VGF: variants seen among roughly 807,000 people sequenced by gnomAD.
VGF encodes neurosecretory protein VGF.
Under a neutral mutation model 41.1 loss-of-function variants are expected in VGF, and 13 were observed. The observed-to-expected ratio is 0.32, with a 90% CI of 0.21 to 0.50. The LOEUF is 0.50. VGF is among the 20% of genes least tolerant of loss of function. The pLI is 0.98. For missense variants in VGF, 920 were observed against 882.1 expected (o/e 1.04, Z -0.54); for synonymous variants, 473 against 418.3 (o/e 1.13, Z -1.60).
chr7:101,166,601 G>T (rs985724460), upstream of VGF, among the ~76,000 whole-genome samples: 2 of 150,976 alleles, frequency 1.3e-5, no homozygotes, highest in African/African-American at 4.9e-5. Context: ...CAACGTCAGA[G>T]ATAGCCCCTC....
rs367706197 is a variant in VGF, at chr7:101,164,007, C to A, written c.837G>T (p.Ala279=). ...CCAGGAGTGCGCTCTCCGGCCGGCG[C>A]GCCTTGGGGAACGGGGCGGCCACGC... ...YQGVAAPFPK[A]RRPESALLGG... The change falls in exon 2 of 2, where the codon GCG becomes GCT. Residue 279 remains alanine (A), a synonymous_variant. Transcript: ENST00000249330. 291 of 1,472,162 alleles carry A rather than the reference C, an allele frequency of 2.0e-4. No homozygotes were observed. The highest frequency in any genetic ancestry group is 2.5e-4 in the Non-Finnish European group (280 of 1,125,188). The allele number at this position is 1,472,162 out of a possible 1,614,324, so 91.2% of individuals were successfully genotyped here.
chr7:101,164,151 G>T lies in VGF; in HGVS notation c.693C>A (p.Phe231Leu). The change falls in exon 2 of 2, where the codon TTC becomes TTA. Residue 231 changes from phenylalanine to leucine, a missense_variant. Physicochemically the swap from Phe to Leu is conservative, Grantham distance 22. Coordinates refer to ENST00000249330, the MANE Select transcript of VGF (RefSeq NM_003378.4). ...GCCCGCTGTCGGGCATACGCGCCTGGAATTGAGAGGGGGCCGGGGGCGGCA... is the reference window on the plus strand; with the variant it reads ...GCCCGCTGTCGGGCATACGCGCCTGTAATTGAGAGGGGGCCGGGGGCGGCA... The part of the protein sequence containing the change: ...APLPPPAPSQ[F>L]QARMPDSGPL... 6.6e-7 allele frequency: 1 copy of T among 1,506,928 alleles called. No individual in the cohort carries two copies. Among genetic ancestry groups the T allele is most frequent in the Non-Finnish European group, 8.8e-7 (1 of 1,135,916 alleles). The allele number at this position is 1,506,928 out of a possible 1,614,324, so 93.3% of individuals were successfully genotyped here. A position where few individuals can be genotyped will look rare whatever the true frequency, so the allele number is the denominator to read the frequency against.
upstream of VGF, among the ~76,000 whole-genome samples, chr7:101,168,019 G>T (rs56278075): frequency 0.48 from 58,208 of 120,886 alleles, 13,659 homozygotes; most frequent in Admixed American, 0.55. Context: ...GTTTTTTTTT[G>T]TTTTTTTTTT....
chr7:101,165,629 G>GC (rs1584214177), upstream of VGF: 3 of 985,352 alleles, frequency 3.0e-6, no homozygotes, highest in East Asian at 1.1e-4. Flanking sequence ...ACGTGGGCGC[G>GC]CCCCGCCCCA....
At chr7:101,168,289 G>A (rs559038685), upstream of VGF, among the ~76,000 whole-genome samples, 1 of 152,178 alleles carries the variant, frequency 6.6e-6, no homozygotes, top group South Asian at 2.1e-4. Context: ...TGAATGCCTG[G>A]GGCACAAAAG....
In VGF at chr7:101,164,877, G is replaced by A. The variant is rs1214616080; in HGVS notation, c.-20-14C>T. 1 of 1,518,068 alleles carries A rather than the reference G, an allele frequency of 6.6e-7. No individual in the cohort carries two copies. The highest frequency in any genetic ancestry group is 2.2e-5 in the Admixed American group (1 of 44,504). 94.0% of individuals were successfully genotyped at this position (1,518,068 alleles called of 1,614,324 possible). ...GGCTGCCGGAGACTGAAAAATAGAA[G>A]GGACCAAAAAAAGAGGATTTCTGTA... On this transcript the variant is annotated splice_polypyrimidine_tract_variant and intron_variant, in intron 1 of 1. Coordinates refer to ENST00000249330, the MANE Select transcript of VGF (RefSeq NM_003378.4).
Position 101,162,839 on chromosome 7 carries a change from G to A in VGF, c.*157C>T, listed in dbSNP as rs970270933. 125 of 669,412 alleles carry A rather than the reference G, an allele frequency of 1.9e-4. No homozygotes were observed. The African/African-American group carries it at 2.0e-3, about 10-fold the overall frequency. 41.5% of individuals were successfully genotyped at this position (669,412 alleles called of 1,614,324 possible). On this transcript the variant is annotated 3_prime_UTR_variant, in exon 2 of 2. Transcript: ENST00000249330. The surrounding 1 kb of genome is among the most constrained non-coding windows in gnomAD (Gnocchi z 4.2). ...GAGTTCGGGCTCAGGACCCGGGAGG[G>A]GGGTCTGGCAGGTCCCGACGCAGCC...
Position 101,163,122 on chromosome 7 carries a change from G to C in VGF, c.1722C>G (p.Arg574=), listed in dbSNP as rs750273748. The C allele has an allele frequency of 6.9e-6, 11 of 1,584,540 alleles. No homozygotes were observed. Among genetic ancestry groups the C allele is most frequent in the East Asian group, 4.8e-5 (2 of 41,286 alleles). The part of the protein sequence containing the change: ...RHYHHALPPS[R]HYPGREAQAR... Reference sequence around the variant, plus strand: ...CCTGGGCCTCCCGGCCGGGATAGTGGCGCGAAGGCGGCAAGGCGTGGTGGT... The same window carrying C: ...CCTGGGCCTCCCGGCCGGGATAGTGCCGCGAAGGCGGCAAGGCGTGGTGGT... Residue 574 remains arginine, a synonymous_variant, in exon 2 of 2, where the codon CGC becomes CGG. Transcript: ENST00000249330. The surrounding 1 kb of genome is among the most constrained non-coding windows in gnomAD (Gnocchi z 5.0).
intron 1 of VGF, 75 bp downstream of exon 1, chr7:101,165,299 G>A (rs1797200034): frequency 2.0e-6 from 2 of 986,976 alleles, no homozygotes; most frequent in Non-Finnish European, 2.4e-6. Flanking sequence ...CACCCCCATC[G>A]AGAGGAGAGA....
Position 101,163,786 on chromosome 7 carries a change from T to C in VGF, c.1058A>G (p.Glu353Gly). 6.5e-7 allele frequency: 1 copy of C among 1,531,246 alleles called. No individual in the cohort carries two copies. The highest frequency in any genetic ancestry group is 8.7e-7 in the Non-Finnish European group (1 of 1,143,130). 94.9% of individuals were successfully genotyped at this position (1,531,246 alleles called of 1,614,324 possible). A position where few individuals can be genotyped will look rare whatever the true frequency, so the allele number is the denominator to read the frequency against. ...TGCACTCTCTCGCTCCTCCGCCGCC[T>C]CCTGCAGCCCCCGACCCCCGAGGCC... ...QRGLGGRGLQ[E>G]AAEERESARE... Residue 353 changes from glutamate to glycine, a missense_variant, in exon 2 of 2, where the codon GAG (glutamate) becomes GGG (glycine). Around this residue, in one of 3 missense-constraint regions of VGF, gnomAD observed 654 missense variants for 638.4 expected, o/e 1.02. Transcript: ENST00000249330. The surrounding 1 kb of genome is among the most constrained non-coding windows in gnomAD (Gnocchi z 5.0).
upstream of VGF, chr7:101,165,677 G>A (rs564689305): frequency 1.2e-5 from 12 of 984,322 alleles, no homozygotes; most frequent in Non-Finnish European, 1.3e-5. Context: ...GCGGGCGGCC[G>A]CCCGGAGGAG....
chr7:101,169,327 C>T (rs1404244460), upstream of VGF, among the ~76,000 whole-genome samples: 1 of 152,072 alleles, frequency 6.6e-6, no homozygotes, highest in Non-Finnish European at 1.5e-5. Context: ...CACTCAAATA[C>T]ACACACAGAC....
chr7:101,165,608 C>T, upstream of VGF: 2 of 985,372 alleles, frequency 2.0e-6, no homozygotes, highest in Non-Finnish European at 2.4e-6. Flanking sequence ...TAAAGGGGAG[C>T]GCGCGGGGTC....
upstream of VGF, among the ~76,000 whole-genome samples, chr7:101,169,840 C>T (rs906131137): frequency 1.3e-5 from 2 of 152,254 alleles, no homozygotes; most frequent in African/African-American, 4.8e-5. Flanking sequence ...ACCCAGACAC[C>T]CCCTGACTCG....
Position 101,162,935 on chromosome 7 carries a change from G to T in VGF, c.*61C>A. ...ACACCGAGGGGGAGCGGGCAACACG[G>T]AGGGGGGCGCCGGCGCGCGCGCGCG... On this transcript the variant is annotated 3_prime_UTR_variant, in exon 2 of 2. Coordinates refer to ENST00000249330, the MANE Select transcript of VGF (RefSeq NM_003378.4). The surrounding 1 kb of genome is among the most constrained non-coding windows in gnomAD (Gnocchi z 4.2). The T allele has an allele frequency of 2.4e-6, 2 of 822,512 alleles. No homozygotes were observed. The highest frequency in any genetic ancestry group is 1.7e-6 in the Non-Finnish European group (1 of 593,342). 51.0% of individuals were successfully genotyped at this position (822,512 alleles called of 1,614,324 possible).
upstream of VGF, among the ~76,000 whole-genome samples, chr7:101,168,522 A>G (rs1194587498): frequency 1.3e-5 from 2 of 152,184 alleles, no homozygotes; most frequent in Non-Finnish European, 2.9e-5. Flanking sequence ...CAGTAGAAAA[A>G]GAAAGAGAAG....
chr7:101,165,588 C>T (rs1230229129), upstream of VGF: 1 of 985,322 alleles, frequency 1.0e-6, no homozygotes, highest in African/African-American at 1.7e-5. Flanking sequence ...CCCGCGCCTC[C>T]ACCGCCTTAT....
rs1209990073 is a variant in VGF at position 101,163,168 on chromosome 7, G to A, written c.1676C>T (p.Ser559Leu). ...YIRPRTLQPP[S>L]ALRRRHYHHA... ...GTGGTAGTGGCGGCGGCGCAAGGCC[G>A]AGGGCGGCTGCAGTGTCCGCGGCCG... Residue 559 changes from serine (S) to leucine (L), a missense_variant, in exon 2 of 2, where the codon TCG becomes TTG. Ser to Leu is a moderately radical substitution (Grantham distance 145). Around this residue, in one of 3 missense-constraint regions of VGF, gnomAD observed 257 missense variants for 217.2 expected, o/e 1.18. Transcript: ENST00000249330. This position sits in a 1 kb window ranked among gnomAD's most constrained non-coding sequence, Gnocchi z 5.0. 6.4e-7 allele frequency: 1 copy of A among 1,566,324 alleles called. No homozygotes were observed. The highest frequency in any genetic ancestry group is 8.6e-7 in the Non-Finnish European group (1 of 1,161,210).
upstream of VGF, among the ~76,000 whole-genome samples, chr7:101,168,154 CACACACATGCCCCCACT>C (rs1562871368): frequency 2.0e-5 from 3 of 151,930 alleles, no homozygotes; most frequent in Non-Finnish European, 2.9e-5. Flanking sequence ...TGTGTGTAAG[CACACACATGCCCCCACT>C]CCACATCCCT....
Sources: allele counts gnomAD v4.1 joint callset (sites outside exome capture counted in the v4.1 genomes callset), GRCh38; gene constraint gnomAD v4.1.1; regional missense constraint gnomAD v4.1.1; non-coding constraint Gnocchi (gnomAD v3.1); transcripts MANE v1.5; gene names NCBI Gene and HGNC (gene_info 2026-07-23, HGNC 2026-07-21).